Variants in PCDH15 observed in about 807,000 individuals in gnomAD.
PCDH15 encodes the protein protocadherin related 15.
PCDH15 carries 129 observed loss-of-function variants against 178.5 expected under a neutral mutation model. The observed-to-expected ratio is 0.72, with a 90% CI of 0.63 to 0.84. PCDH15 has a LOEUF of 0.84. Ranked by LOEUF, PCDH15 falls within the 40% of genes least tolerant of loss-of-function variation. The pLI is 0.00. For missense variants in PCDH15, 2,230 were observed against 2,099.9 expected (o/e 1.06, Z -1.21); for synonymous variants, 800 against 732.0 (o/e 1.09, Z -1.50).
intron 2 of PCDH15, among the ~76,000 whole-genome samples, chr10:54,636,380 G>T (rs1027966443): frequency 2.6e-5 from 4 of 151,696 alleles, no homozygotes; most frequent in Non-Finnish European, 2.9e-5. Context: ...TTTCCCATAG[G>T]CCAGACAAGA....
intron 3 of PCDH15, among the ~76,000 whole-genome samples, chr10:54,840,760 CAA>C (rs1287054215): frequency 2.0e-5 from 3 of 151,390 alleles, no homozygotes; most frequent in Admixed American, 6.6e-5. Flanking sequence ...AAATAGTAAC[CAA>C]GAGAGAGCAG....
chr10:55,082,664 C>T (rs1842072898), intron 2 of PCDH15, among the ~76,000 whole-genome samples: 1 of 146,046 alleles, frequency 6.8e-6, no homozygotes, highest in South Asian at 2.1e-4. Context: ...TTGAATTAAA[C>T]TAAAAAAGAA....
chr10:54,093,092 ATTATTT>A (rs2094628928), intron 15 of PCDH15, among the ~76,000 whole-genome samples: 1 of 138,062 alleles, frequency 7.2e-6, no homozygotes, highest in Non-Finnish European at 1.6e-5. Context: ...ATTTATATTT[ATTATTT>A]TTATGTTAAT....
chr10:55,335,511 C>G (rs931896085), intron 2 of PCDH15, among the ~76,000 whole-genome samples: 5 of 152,292 alleles, frequency 3.3e-5, no homozygotes, highest in African/African-American at 9.6e-5. Flanking sequence ...GATTCACATA[C>G]TATCAGCTAT....
chr10:54,671,526 A>C (rs1247863813), intron 1 of PCDH15, among the ~76,000 whole-genome samples: 2 of 152,158 alleles, frequency 1.3e-5, no homozygotes, highest in Non-Finnish European at 2.9e-5. Flanking sequence ...TATAAGGGTA[A>C]ACTAGTTAAA....
chr10:55,518,366 G>T (rs1321640436), intron 2 of PCDH15, among the ~76,000 whole-genome samples: 2 of 151,960 alleles, frequency 1.3e-5, no homozygotes, highest in Non-Finnish European at 2.9e-5. Context: ...TAACAGTCTG[G>T]ATCATGAACA....
chr10:54,319,960 T>C (rs2061495442), intron 7 of PCDH15, among the ~76,000 whole-genome samples: 2 of 152,098 alleles, frequency 1.3e-5, no homozygotes. Flanking sequence ...ATGTAATAAC[T>C]CTGTGGTTCC....
At chr10:55,053,150 C>T (rs1255356974) in intron 2 of PCDH15, among the ~76,000 whole-genome samples, 1 of 152,098 alleles carries the variant, frequency 6.6e-6, no homozygotes, top group Admixed American at 6.5e-5. Context: ...CTATAACCTA[C>T]AAGATTAAAA....
In PCDH15 at chr10:54,980,561, T is replaced by C. The variant is rs559023706; in HGVS notation, c.-79-83061A>G. On this transcript the variant is annotated intron_variant, in intron 2 of 5. Transcript: ENST00000458638. ...CTCAACCTATCTGGATAATTAACTATACACCCTAGATTTTTAACTCTCATT... is the reference window on the plus strand; with the variant it reads ...CTCAACCTATCTGGATAATTAACTACACACCCTAGATTTTTAACTCTCATT... Among the ~76,000 whole-genome samples, 89 of 152,210 alleles carry C rather than the reference T, an allele frequency of 5.8e-4. 1 individual carries two copies. The highest frequency in any genetic ancestry group is 1.2e-3 in the East Asian group (6 of 5,170).
At chr10:54,863,425 C>T (rs540406946) in intron 3 of PCDH15, among the ~76,000 whole-genome samples, 1 of 152,140 alleles carries the variant, frequency 6.6e-6, no homozygotes, top group Admixed American at 6.5e-5. Flanking sequence ...CCCTGTAGTC[C>T]CATCTACTCG....
chr10:55,457,388 T>C (rs780999912), intron 2 of PCDH15, among the ~76,000 whole-genome samples: 1 of 151,512 alleles, frequency 6.6e-6, no homozygotes, highest in African/African-American at 2.4e-5. Context: ...ATTTTTTGTG[T>C]ACCAGATCAT....
chr10:55,625,925 G>A (rs1363614369), intron 2 of PCDH15, among the ~76,000 whole-genome samples: 1 of 152,056 alleles, frequency 6.6e-6, no homozygotes, highest in Non-Finnish European at 1.5e-5. Context: ...TACTCTCCAT[G>A]TCCTCCAACA....
At position 55,334,280 on chromosome 10, in the gene PCDH15, G is replaced by GTGTGTGTA. The variant is rs1554854103; in HGVS notation, c.-155-167630_-155-167629insTACACACA. On this transcript the variant is annotated intron_variant, in intron 2 of 5. Coordinates refer to the PCDH15 transcript ENST00000613346. Reference sequence around the variant, plus strand: ...TGTGTGTGTGTGTGTGTGTGTGTGTGTGTGTATGTGTATATATCTATATAT... The same window carrying GTGTGTGTA: ...TGTGTGTGTGTGTGTGTGTGTGTGTGTGTGTGTATGTGTATGTGTATATATCTATATAT... Among the ~76,000 whole-genome samples, 204 of 129,954 alleles carry GTGTGTGTA rather than the reference G, an allele frequency of 1.6e-3. 1 individual carries two copies. The highest frequency in any genetic ancestry group is 6.5e-3 in the African/African-American group (187 of 28,946). The allele number at this position is 129,954 out of a possible 152,430, so 85.3% of individuals were successfully genotyped here. A position where few individuals can be genotyped will look rare whatever the true frequency, so the allele number is the denominator to read the frequency against.
intron 3 of PCDH15, among the ~76,000 whole-genome samples, chr10:54,845,193 AATTTTAAGTGATGTTTAACTC>A (rs1449707798): frequency 3.3e-5 from 5 of 151,778 alleles, no homozygotes; most frequent in African/African-American, 1.2e-4. Context: ...TTAATTTTAT[AATTTTAAGTGATGTTTAACTC>A]ATTATGGCAA....
intron 2 of PCDH15, among the ~76,000 whole-genome samples, chr10:54,538,571 T>C (rs1421965541): frequency 6.6e-6 from 1 of 152,176 alleles, no homozygotes; most frequent in Non-Finnish European, 1.5e-5. Context: ...TGTGCTTTGG[T>C]TTGAACTTGT....
intron 25 of PCDH15, among the ~76,000 whole-genome samples, chr10:53,924,224 G>A (rs997280892): frequency 4.6e-5 from 7 of 152,172 alleles, no homozygotes; most frequent in Non-Finnish European, 8.8e-5. Context: ...TGGCGCTCGC[G>A]AGCCAGCGTG....
At chr10:54,379,962 AT>A (rs1948982700) in intron 3 of PCDH15, among the ~76,000 whole-genome samples, 1 of 152,278 alleles carries the variant, frequency 6.6e-6, no homozygotes, top group African/African-American at 2.4e-5. Context: ...GGCTTGAAAA[AT>A]ATAACGAAAA....
chr10:54,320,500 C>A (rs958136865), intron 7 of PCDH15, among the ~76,000 whole-genome samples: 8 of 151,800 alleles, frequency 5.3e-5, no homozygotes, highest in African/African-American at 1.7e-4. Flanking sequence ...CACAAATTAA[C>A]TTTATAAATT....
intron 15 of PCDH15, among the ~76,000 whole-genome samples, chr10:54,112,363 T>C (rs1469522707): frequency 1.3e-5 from 2 of 151,416 alleles, no homozygotes; most frequent in Non-Finnish European, 2.9e-5. Flanking sequence ...CCAGTCATGA[T>C]AAACAAAAAT....
Sources: gnomAD v4.1 joint callset for allele counts (sites outside exome capture counted in the v4.1 genomes callset) on GRCh38, gnomAD v4.1.1 for gene constraint, MANE v1.5 for transcripts, NCBI Gene and HGNC (gene_info 2026-07-23, HGNC 2026-07-21) for gene names.